The following MROH9 variants were observed in gnomAD, a reference collection of about 807,000 sequenced individuals.
The protein encoded by MROH9 is maestro heat-like repeat-containing protein family member 9.
Under a neutral mutation model 98.2 loss-of-function variants are expected in MROH9, and 92 were observed. The ratio of observed to expected loss-of-function variants is 0.94; its 90% CI spans 0.79 to 1.11. The LOEUF is 1.11. MROH9 is among the 50% of genes most tolerant of loss of function. MROH9 has a pLI of 0.00. For missense variants in MROH9, 1,057 were observed against 1,014.8 expected (o/e 1.04, Z -0.57); for synonymous variants, 397 against 368.9 (o/e 1.08, Z -0.87).
intron 20 of MROH9, among the ~76,000 whole-genome samples, chr1:171,041,394 T>TA (rs1553222167): frequency 3.7e-5 from 3 of 80,412 alleles, no homozygotes; most frequent in Admixed American, 1.4e-4. Context: ...TGTGTATGTA[T>TA]TGGTCAAGAT....
intron 20 of MROH9, among the ~76,000 whole-genome samples, chr1:171,058,787 G>A (rs1400743636): frequency 6.6e-6 from 1 of 152,196 alleles, no homozygotes; most frequent in Non-Finnish European, 1.5e-5. Flanking sequence ...AAACTGGCTA[G>A]CCATATGCAG....
chr1:170,951,600 C>T (rs984792985), intron 3 of MROH9, among the ~76,000 whole-genome samples: 1 of 152,084 alleles, frequency 6.6e-6, no homozygotes, highest in Non-Finnish European at 1.5e-5. Context: ...GTCTGGGCCA[C>T]TCAAGATAAG....
At chr1:171,027,969 T>A (rs1652783109) in intron 20 of MROH9, among the ~76,000 whole-genome samples, 2 of 152,212 alleles carry the variant, frequency 1.3e-5, no homozygotes, top group African/African-American at 4.8e-5. Context: ...ATTGCAAAAT[T>A]TTTCTCCCAT....
intron 3 of MROH9, among the ~76,000 whole-genome samples, chr1:170,952,826 C>A (rs576221720): frequency 2.6e-5 from 4 of 152,022 alleles, no homozygotes; most frequent in African/African-American, 9.6e-5. Context: ...GCAGAGGCAG[C>A]AGCAGCAGCA....
rs187923358 is a variant in MROH9, at chr1:171,007,420, G to A, written c.1597-6697G>A. 4.6e-5 allele frequency among the ~76,000 whole-genome samples: 7 copies of A among 152,316 alleles called. No homozygotes were observed. In the East Asian group the frequency reaches 1.4e-3, roughly 29 times the overall value. On this transcript the variant is annotated intron_variant, in intron 15 of 21. Coordinates refer to ENST00000367759, the MANE Select transcript of MROH9 (RefSeq NM_001163629.2). ...CTGTGAGATGGCTCCTACTGTGTAA[G>A]TAGGTGGGTCCCAGGGCAGGACTGG...
chr1:171,041,491 T>C (rs1301051039), intron 20 of MROH9, among the ~76,000 whole-genome samples: 4 of 150,572 alleles, frequency 2.7e-5, no homozygotes, highest in Non-Finnish European at 5.9e-5. Context: ...CTTATGTTGA[T>C]TGCATGACTT....
At chr1:171,023,209 G>A (rs764824057) in intron 17 of MROH9, among the ~76,000 whole-genome samples, 27 of 152,162 alleles carry the variant, frequency 1.8e-4, no homozygotes, top group Admixed American at 3.3e-4. Context: ...AACAGAGTGA[G>A]ACCCTGTCTC....
chr1:171,001,469 C>G (rs997106608), intron 15 of MROH9, among the ~76,000 whole-genome samples: 2 of 151,964 alleles, frequency 1.3e-5, no homozygotes, highest in African/African-American at 2.4e-5. Flanking sequence ...AGTGCAAAAA[C>G]TTTTTTAAAT....
rs140687273 is a variant in MROH9, at chr1:170,987,303, T to C, written c.879+593T>C. On this transcript the variant is annotated intron_variant, in intron 10 of 21. Transcript: ENST00000367759. ...AAGAAATACATTAACAGCAATAAAA[T>C]AGTATAGCTGTAATTGAAATCCCCT... is the stretch of plus-strand genomic sequence containing the variant. 4.7e-3 allele frequency among the ~76,000 whole-genome samples: 717 copies of C among 152,340 alleles called. 1 individual carries two copies. Among genetic ancestry groups the C allele is most frequent in the African/African-American group, 0.016 (680 of 41,576 alleles).
At chr1:171,057,065 A>C (rs1200870338) in intron 20 of MROH9, among the ~76,000 whole-genome samples, 1 of 152,190 alleles carries the variant, frequency 6.6e-6, no homozygotes, top group Non-Finnish European at 1.5e-5. Flanking sequence ...CTCTTCTCCA[A>C]ATGTTTGCAA....
intron 3 of MROH9, among the ~76,000 whole-genome samples, chr1:170,954,821 C>T (rs1649698190): frequency 1.3e-5 from 2 of 151,568 alleles, no homozygotes; most frequent in Non-Finnish European, 2.9e-5. Flanking sequence ...GTTTATATGC[C>T]TTTTTTCCCA....
chr1:171,020,533 T>C (rs1652481984), intron 17 of MROH9, among the ~76,000 whole-genome samples: 1 of 152,214 alleles, frequency 6.6e-6, no homozygotes, highest in African/African-American at 2.4e-5. Context: ...TCTCAATAGA[T>C]GCCGAAAAGG....
At chr1:171,028,634 C>T (rs61816866) in intron 20 of MROH9, among the ~76,000 whole-genome samples, 22,741 of 152,150 alleles carry the variant, frequency 0.15, 2,145 homozygotes, top group Non-Finnish European at 0.21. Context: ...GCCATTTTCA[C>T]AATATTGATT....
chr1:171,051,851 A>G (rs2101868952), intron 20 of MROH9, among the ~76,000 whole-genome samples: 1 of 152,314 alleles, frequency 6.6e-6, no homozygotes, highest in South Asian at 2.1e-4. Context: ...TTGATATTGC[A>G]GTGATGGCTT....
At chr1:171,040,517 T>C (rs908325448) in intron 20 of MROH9, among the ~76,000 whole-genome samples, 3 of 152,156 alleles carry the variant, frequency 2.0e-5, no homozygotes, top group Admixed American at 6.5e-5. Flanking sequence ...CAAAATGTTA[T>C]GTTATATACC....
intron 10 of MROH9, 71 bp downstream of exon 10, chr1:170,986,781 T>G (rs1054704719): frequency 6.9e-6 from 10 of 1,440,844 alleles, no homozygotes; most frequent in Non-Finnish European, 8.5e-6. Flanking sequence ...CTGTGTTGTA[T>G]GTCCACTTCT....
rs781149655 is a variant in MROH9 at position 170,996,621 on chromosome 1, T to G, written c.1452T>G (p.Tyr484Ter). 6.2e-7 allele frequency: 1 copy of G among 1,613,546 alleles called. No individual in the cohort carries two copies. ...AGTTATCTGAAGATCTGTGTTACTA[T>G]CATGGAGTCTGCTTTATTGCTAAGT... is the stretch of plus-strand genomic sequence containing the variant. ...WDQLSEDLCY[Y>*]HGVCFIAKTL... is the part of the protein sequence containing the mutation. The change falls in exon 14 of 22, where the codon TAT becomes TAG. Residue 484 changes from tyrosine to a stop codon, truncating the protein, a stop_gained. Coordinates refer to ENST00000367759, the MANE Select transcript of MROH9 (RefSeq NM_001163629.2). LOFTEE classifies it high-confidence loss of function.
chr1:171,005,905 A>T (rs915032008), intron 15 of MROH9, among the ~76,000 whole-genome samples: 2 of 152,018 alleles, frequency 1.3e-5, no homozygotes, highest in African/African-American at 2.4e-5. Context: ...CAAATTATTG[A>T]AGCTATATTT....
chr1:170,958,632 A>G, intron 4 of MROH9, 92 bp downstream of exon 4: 1 of 877,802 alleles, frequency 1.1e-6, no homozygotes, highest in East Asian at 2.5e-5. Context: ...AAGATAAGAA[A>G]TTACTCCAAA....
Sources: allele counts gnomAD v4.1 joint callset (sites outside exome capture counted in the v4.1 genomes callset), GRCh38; gene constraint gnomAD v4.1.1; transcripts MANE v1.5; gene names NCBI Gene and HGNC (gene_info 2026-07-23, HGNC 2026-07-21).